The following SIDT1 variants were observed in gnomAD, a reference collection of about 807,000 sequenced individuals.
The protein encoded by SIDT1 is SID1 transmembrane family member 1.
A neutral mutation model predicts 107.5 loss-of-function variants in SIDT1; 101 were observed. The ratio of observed to expected loss-of-function variants is 0.94; its 90% CI spans 0.80 to 1.11. The LOEUF is 1.11. Among genes scored for constraint, SIDT1 ranks in the 50% least tolerant of loss-of-function variants. The probability of loss-of-function intolerance (pLI) is 0.00; values close to 1 mark genes in which losing one functional copy is unlikely to be tolerated. For synonymous variants in SIDT1, 395 were observed against 398.2 expected, an observed-to-expected ratio of 0.99 and a Z score of 0.10; for missense variants, 1,076 against 1,058.2, an observed-to-expected ratio of 1.02 and a Z score of -0.23.
chr3:113,587,825 G>A (rs564791239), intron 9 of SIDT1, among the ~76,000 whole-genome samples: 22 of 152,180 alleles, frequency 1.4e-4, no homozygotes, highest in Non-Finnish European at 2.5e-4. Flanking sequence ...CCTAAAGCAG[G>A]CTGATCAAAA....
chr3:113,559,296 T>C (rs551566805), intron 1 of SIDT1, among the ~76,000 whole-genome samples: 60 of 152,338 alleles, frequency 3.9e-4, no homozygotes, highest in Middle Eastern at 6.8e-3. Flanking sequence ...CCAACTAACA[T>C]TTTCATTAGC....
downstream of SIDT1, among the ~76,000 whole-genome samples, chr3:113,632,502 T>G (rs1295620502): frequency 2.0e-5 from 3 of 152,348 alleles, no homozygotes; most frequent in South Asian, 6.2e-4. Flanking sequence ...AGGTTTACTC[T>G]GCGTTTATCT....
At position 113,623,627 on chromosome 3, in the gene SIDT1, G is replaced by C. The variant is rs1300566560; in HGVS notation, c.2201G>C (p.Arg734Pro). The change falls in exon 23 of 25, where the codon CGC (arginine) becomes CCC (proline). Residue 734 changes from arginine to proline, a missense_variant. By Grantham distance (103) the Arg-to-Pro change is moderately radical. Transcript: ENST00000264852. ...CATCTGCTTCTCCTCCCACAGCTCC[G>C]CAGCTCTGAAAAGGTCCTCCCAGTC... Reference protein sequence around the residue: ...YLAFYIIMKLRSSEKVLPVPL... With the variant: ...YLAFYIIMKLPSSEKVLPVPL... 1 of 1,613,384 alleles carries C rather than the reference G, an allele frequency of 6.2e-7. No homozygotes were observed. The highest frequency in any genetic ancestry group is 1.1e-5 in the South Asian group (1 of 91,080).
chr3:113,636,296 A>T, the SIDT1 span, among the ~76,000 whole-genome samples: 992 of 152,008 alleles, frequency 6.5e-3, 10 homozygotes, highest in African/African-American at 0.022. Flanking sequence ...CCAGCTACTC[A>T]GGAGGCTGAG....
At chr3:113,633,164 G>C (rs1947104431), downstream of SIDT1, among the ~76,000 whole-genome samples, 1 of 152,118 alleles carries the variant, frequency 6.6e-6, no homozygotes, top group Non-Finnish European at 1.5e-5. Flanking sequence ...TCTTTAGGGA[G>C]GTTCAGGCTT....
At chr3:113,619,591 T>G in intron 20 of SIDT1, 89 bp from the exon 21 acceptor site, 1 of 1,125,086 alleles carries the variant, frequency 8.9e-7, no homozygotes, top group Non-Finnish European at 1.3e-6. Flanking sequence ...ATGCAATTGT[T>G]TTCCCATAGT....
At chr3:113,600,404 A>G (rs1474306111) in intron 10 of SIDT1, among the ~76,000 whole-genome samples, 65 of 152,210 alleles carry the variant, frequency 4.3e-4, no homozygotes, top group Non-Finnish European at 1.0e-4. Context: ...GTGACCAGGC[A>G]AATTACATGA....
rs761686233 is a variant in SIDT1, at chr3:113,576,933, C to G, written c.527C>G (p.Ala176Gly). 7 of 1,614,162 alleles carry G rather than the reference C, an allele frequency of 4.3e-6. No homozygotes were observed. The South Asian group carries it at 6.6e-5, about 15-fold the overall frequency. ...CTTACGTTTCTCAGGACAAATGTTG[C>G]CTTTCACTTTACTGCCAGCCCCTCT... Reference protein sequence around the residue: ...LKHFQLRTNVAFHFTASPSQP... With the variant: ...LKHFQLRTNVGFHFTASPSQP... Residue 176 changes from alanine to glycine, a missense_variant, in exon 4 of 25, where the codon GCC (alanine) becomes GGC (glycine). Coordinates refer to ENST00000264852, the MANE Select transcript of SIDT1 (RefSeq NM_017699.3).
chr3:113,533,260 C>T lies in SIDT1; in HGVS notation c.222+17C>T, dbSNP rs199979149. 2.2e-5 allele frequency: 32 copies of T among 1,429,554 alleles called. No individual in the cohort carries two copies. The East Asian group carries it at 6.8e-4, about 30-fold the overall frequency. The allele number at this position is 1,429,554 out of a possible 1,614,324, so 88.6% of individuals were successfully genotyped here. A position where few individuals can be genotyped will look rare whatever the true frequency, so the allele number is the denominator to read the frequency against. Reference sequence around the variant, plus strand: ...CCCGACCAGGTAAGACACTCGCTCCCCTCGCTCGACTCCTAGAACTTGCCA... The same window carrying T: ...CCCGACCAGGTAAGACACTCGCTCCTCTCGCTCGACTCCTAGAACTTGCCA... On this transcript the variant is annotated intron_variant, in intron 1 of 24. Transcript: ENST00000264852.
rs1319501600 is a variant in SIDT1, at chr3:113,626,175, G to C, written c.2381G>C (p.Trp794Ser). 1.9e-6 allele frequency: 3 copies of C among 1,613,860 alleles called. No homozygotes were observed. The African/African-American group carries it at 4.0e-5, about 22-fold the overall frequency. ...LLDFFDDHDI[W>S]HFLSATALFF... ...GATTTCTTCGATGACCATGACATCTGGCACTTCCTCTCTGCTACTGCTCTG... is the reference window on the plus strand; with the variant it reads ...GATTTCTTCGATGACCATGACATCTCGCACTTCCTCTCTGCTACTGCTCTG... The change falls in exon 24 of 25, where the codon TGG (tryptophan) becomes TCG (serine). Residue 794 changes from tryptophan to serine, a missense_variant. Transcript: ENST00000264852.
At chr3:113,569,450 T>C (rs1942246344) in intron 3 of SIDT1, among the ~76,000 whole-genome samples, 1 of 152,208 alleles carries the variant, frequency 6.6e-6, no homozygotes, top group Admixed American at 6.5e-5. Flanking sequence ...TCAGAAAGTT[T>C]GGTTCTACAG....
chr3:113,611,855 T>C (rs1945769455), intron 18 of SIDT1, among the ~76,000 whole-genome samples: 1 of 152,192 alleles, frequency 6.6e-6, no homozygotes, highest in Admixed American at 6.5e-5. Flanking sequence ...CCTTCACCAT[T>C]GCTATTTGGC....
At chr3:113,623,824 A>G in intron 23 of SIDT1, 91 bp downstream of exon 23, 7 of 836,378 alleles carry the variant, frequency 8.4e-6, no homozygotes, top group Non-Finnish European at 1.4e-5. Flanking sequence ...GTGTTTTCAC[A>G]GTGTCTAAAA....
chr3:113,605,006 G>A (rs1022573662), intron 14 of SIDT1, 30 bp downstream of exon 14: 4 of 1,612,202 alleles, frequency 2.5e-6, no homozygotes, highest in Non-Finnish European at 3.4e-6. Context: ...CAGCCCCAGA[G>A]TCCCAGCTTT....
rs531474482 is a variant in SIDT1, at chr3:113,615,315, G to A, written c.1967-785G>A. Among the ~76,000 whole-genome samples the A allele has an allele frequency of 5.3e-5, 8 of 152,258 alleles. No individual in the cohort carries two copies. The South Asian group carries it at 1.2e-3, about 24-fold the overall frequency. On this transcript the variant is annotated intron_variant, in intron 19 of 24. Transcript: ENST00000264852. ...CCCTCCTGGTTAAACTGACCACGGG[G>A]GTAACCTTGAGGAGGAGAAGGATTC...
intron 4 of SIDT1, 132 bp from the exon 5 acceptor site, chr3:113,580,476 T>G: frequency 3.9e-5 from 25 of 638,774 alleles, no homozygotes; most frequent in East Asian, 8.0e-5. Flanking sequence ...TCAATATGTA[T>G]GAGATGAAGA....
chr3:113,612,467 A>T, intron 19 of SIDT1: 1 of 530,342 alleles, frequency 1.9e-6, no homozygotes, highest in South Asian at 1.5e-5. Context: ...CTGGTTGCAA[A>T]CACTTTACAG....
intron 5 of SIDT1, 35 bp from the exon 6 acceptor site, chr3:113,581,326 G>A: frequency 1.3e-6 from 2 of 1,541,806 alleles, no homozygotes; most frequent in Non-Finnish European, 1.8e-6. Flanking sequence ...TGACATTATG[G>A]ATGCTTTCCA....
At position 113,583,482 on chromosome 3, in the gene SIDT1, C is replaced by T. The variant is rs905299149; in HGVS notation, c.821C>T (p.Ser274Phe). The part of the protein sequence containing the change: ...IKPEDYACGG[S>F]FFIQEKENQT... ...CCTGAAGATTATGCCTGTGGAGGAT[C>T]TTTCTTCATCCAGGGTAAGAGCTAG... The change falls in exon 7 of 25, where the codon TCT becomes TTT. Residue 274 changes from serine to phenylalanine, a missense_variant. Ser to Phe is a radical substitution (Grantham distance 155). Coordinates refer to ENST00000264852, the MANE Select transcript of SIDT1 (RefSeq NM_017699.3). 6.3e-7 allele frequency: 1 copy of T among 1,594,422 alleles called. No homozygotes were observed. Among genetic ancestry groups the T allele is most frequent in the Non-Finnish European group, 8.6e-7 (1 of 1,166,136 alleles).
Sources: gnomAD v4.1 joint callset for allele counts (sites outside exome capture counted in the v4.1 genomes callset) on GRCh38, gnomAD v4.1.1 for gene constraint, MANE v1.5 for transcripts, NCBI Gene and HGNC (gene_info 2026-07-23, HGNC 2026-07-21) for gene names.